The following XKR9 variants were observed in gnomAD, a reference collection of about 807,000 sequenced individuals.
XKR9 encodes the protein XK-related protein 9.
XKR9 carries 32 observed loss-of-function variants against 32.0 expected under a neutral mutation model. The ratio of observed to expected loss-of-function variants is 1.00; its 90% CI spans 0.76 to 1.34. The LOEUF (loss-of-function observed/expected upper bound fraction) is 1.34, where lower values mean the gene tolerates loss of function less well. Ranked by LOEUF, XKR9 falls within the 40% of genes most tolerant of loss-of-function variation. XKR9 has a pLI of 0.00. For synonymous variants in XKR9, 168 were observed against 143.4 expected, an observed-to-expected ratio of 1.17 and a Z score of -1.22; for missense variants, 546 against 429.7, an observed-to-expected ratio of 1.27 and a Z score of -2.39.
chr8:70,702,244 A>T (rs937122031), intron 3 of XKR9, among the ~76,000 whole-genome samples: 5 of 152,176 alleles, frequency 3.3e-5, no homozygotes, highest in African/African-American at 1.2e-4. Context: ...GATTTAAAAA[A>T]TATGTTGGTT....
chr8:70,764,513 C>A (rs1195850631), intron 2 of XKR9, among the ~76,000 whole-genome samples: 2 of 152,128 alleles, frequency 1.3e-5, no homozygotes, highest in African/African-American at 4.8e-5. Context: ...GTTTGGACTT[C>A]TTCTATATGA....
chr8:71,051,855 A>G, the XKR9 span, among the ~76,000 whole-genome samples: 14 of 152,234 alleles, frequency 9.2e-5, no homozygotes, highest in Admixed American at 8.5e-4. Flanking sequence ...CAATGCGTGA[A>G]TAATTCATCT....
intron 2 of XKR9, among the ~76,000 whole-genome samples, chr8:70,763,087 T>C (rs1376600375): frequency 6.6e-6 from 1 of 152,140 alleles, no homozygotes; most frequent in African/African-American, 2.4e-5. Context: ...ATTTATATGA[T>C]CTAAACAAAA....
chr8:70,749,019 G>A (rs1271407983), intron 2 of XKR9, among the ~76,000 whole-genome samples: 2 of 152,140 alleles, frequency 1.3e-5, no homozygotes, highest in South Asian at 4.1e-4. Flanking sequence ...CAACCTGCCT[G>A]TGGAAAGGAG....
chr8:70,903,806 C>G, the XKR9 span, among the ~76,000 whole-genome samples: 1 of 151,966 alleles, frequency 6.6e-6, no homozygotes, highest in Admixed American at 6.6e-5. Context: ...ACACACTGCT[C>G]TAAATATGTC....
intron 2 of XKR9, among the ~76,000 whole-genome samples, chr8:70,784,665 CT>C (rs1365576076): frequency 1.4e-4 from 21 of 151,712 alleles, no homozygotes; most frequent in Non-Finnish European, 2.7e-4. Flanking sequence ...TTACTTCTTT[CT>C]TTTCTATTTG....
At chr8:71,010,700 A>G in the XKR9 span, among the ~76,000 whole-genome samples, 9 of 152,314 alleles carry the variant, frequency 5.9e-5, no homozygotes, top group South Asian at 1.7e-3. Flanking sequence ...TAGTTTCTGT[A>G]ATAGTCTCCA....
the XKR9 span, among the ~76,000 whole-genome samples, chr8:70,808,355 A>G: frequency 2.0e-5 from 3 of 152,182 alleles, no homozygotes; most frequent in Non-Finnish European, 4.4e-5. Context: ...TCCAGTCTAC[A>G]GCTCCCAGCA....
the XKR9 span, among the ~76,000 whole-genome samples, chr8:70,995,615 T>C: frequency 1.3e-5 from 2 of 152,304 alleles, no homozygotes; most frequent in Admixed American, 6.5e-5. Flanking sequence ...TCCATTGATA[T>C]GTTGTTATGG....
chr8:70,745,045 G>A (rs940366760), intron 2 of XKR9, among the ~76,000 whole-genome samples: 4 of 150,088 alleles, frequency 2.7e-5, no homozygotes, highest in African/African-American at 9.8e-5. Context: ...GGGAAAAAGG[G>A]TAGGAAATAA....
At chr8:70,778,816 T>C (rs1248031849) in intron 2 of XKR9, among the ~76,000 whole-genome samples, 1 of 152,214 alleles carries the variant, frequency 6.6e-6, no homozygotes, top group Non-Finnish European at 1.5e-5. Flanking sequence ...GAGACTTTGC[T>C]GACGTTGCTT....
At chr8:70,961,881 T>TA in the XKR9 span, among the ~76,000 whole-genome samples, 1 of 152,066 alleles carries the variant, frequency 6.6e-6, no homozygotes, top group Non-Finnish European at 1.5e-5. Context: ...CACTTAACTT[T>TA]AAAAAAAATT....
Position 70,755,778 on chromosome 8 carries a change from G to A in XKR9, n.353-33561G>A, listed in dbSNP as rs141675806. Among the ~76,000 whole-genome samples the A allele has an allele frequency of 1.8e-3, 230 of 128,798 alleles. 1 individual carries two copies. The highest frequency in any genetic ancestry group is 6.2e-3 in the African/African-American group (219 of 35,502). The allele number at this position is 128,798 out of a possible 152,430, so 84.5% of individuals were successfully genotyped here. On this transcript the variant is annotated intron_variant and non_coding_transcript_variant, in intron 2 of 3. Transcript: ENST00000520273. ...CTGTTGTGGGGTGGGGGGAGGGGGG[G>A]AGGGTTAGCATTAGGAGATATACCT... is the stretch of plus-strand genomic sequence containing the variant.
At chr8:70,913,019 T>C in the XKR9 span, among the ~76,000 whole-genome samples, 3 of 152,070 alleles carry the variant, frequency 2.0e-5, no homozygotes, top group African/African-American at 4.8e-5. Flanking sequence ...TGAAAAAAAC[T>C]AACAGTTCAG....
At chr8:70,858,850 T>C in the XKR9 span, among the ~76,000 whole-genome samples, 1 of 151,890 alleles carries the variant, frequency 6.6e-6, no homozygotes, top group Admixed American at 6.6e-5. Context: ...ATAACAAAAA[T>C]CAAATTAAAA....
the XKR9 span, among the ~76,000 whole-genome samples, chr8:70,829,509 T>G: frequency 6.6e-6 from 1 of 152,148 alleles, no homozygotes; most frequent in African/African-American, 2.4e-5. Flanking sequence ...AGTGCAGTGG[T>G]GCGATCTTGG....
the XKR9 span, among the ~76,000 whole-genome samples, chr8:70,820,122 C>A: frequency 2.6e-5 from 4 of 152,120 alleles, no homozygotes; most frequent in African/African-American, 9.7e-5. Context: ...TGAAGCAGGT[C>A]ATAAGACCCT....
chr8:70,927,594 A>G, the XKR9 span, among the ~76,000 whole-genome samples: 51 of 152,228 alleles, frequency 3.4e-4, 1 homozygote, highest in East Asian at 9.5e-3. Flanking sequence ...ATGACCTCAC[A>G]TGGCAGAAGG....
chr8:71,034,432 C>A, the XKR9 span, among the ~76,000 whole-genome samples: 1 of 152,202 alleles, frequency 6.6e-6, no homozygotes, highest in Non-Finnish European at 1.5e-5. Context: ...AACCTCTTTC[C>A]TTTTTAAATT....
Sources: gnomAD v4.1 joint callset for allele counts (sites outside exome capture counted in the v4.1 genomes callset) on GRCh38, gnomAD v4.1.1 for gene constraint, MANE v1.5 for transcripts, NCBI Gene and HGNC (gene_info 2026-07-23, HGNC 2026-07-21) for gene names.